SGMS1: variants seen among roughly 807,000 people sequenced by gnomAD.
SGMS1 encodes the protein phosphatidylcholine:ceramide cholinephosphotransferase 1.
In SGMS1, 13 loss-of-function variants were observed where a neutral mutation model predicts 46.2. The observed-to-expected ratio is 0.28, with a 90% CI of 0.18 to 0.45. The LOEUF (loss-of-function observed/expected upper bound fraction) is 0.45, where lower values mean the gene tolerates loss of function less well. SGMS1 is among the 20% of genes least tolerant of loss of function. The probability of loss-of-function intolerance (pLI) is 1.00; values close to 1 mark genes in which losing one functional copy is unlikely to be tolerated. For synonymous variants in SGMS1, 203 were observed against 187.8 expected (o/e 1.08, Z -0.66); for missense variants, 324 against 519.9 (o/e 0.62, Z 3.66).
Position 50,323,933 on chromosome 10 carries a change from GT to G in SGMS1, c.741+3271del, listed in dbSNP as rs1287688135. ...AATTTAAACTAACAGATTTTAAGGT[GT>G]TTTCCACAAAGGTAGGAACTATATC... On this transcript the variant is annotated intron_variant, in intron 8 of 10. Transcript: ENST00000361781. Among the ~76,000 whole-genome samples, 10 of 152,250 alleles carry G rather than the reference GT, an allele frequency of 6.6e-5. No individual in the cohort carries two copies. In the East Asian group the frequency reaches 1.9e-3, roughly 29 times the overall value.
At chr10:50,333,855 A>G (rs1847668139) in intron 7 of SGMS1, among the ~76,000 whole-genome samples, 1 of 152,238 alleles carries the variant, frequency 6.6e-6, no homozygotes, top group African/African-American at 2.4e-5. Context: ...GTGTCTGTAC[A>G]TATACTATGT....
chr10:50,515,699 T>A (rs1837795921), intron 3 of SGMS1, among the ~76,000 whole-genome samples: 1 of 152,110 alleles, frequency 6.6e-6, no homozygotes, highest in Admixed American at 6.5e-5. Flanking sequence ...GCTCCCCAGG[T>A]GAAGCTTCTG....
intron 6 of SGMS1, among the ~76,000 whole-genome samples, chr10:50,344,638 G>C (rs1007456097): frequency 6.6e-6 from 1 of 152,082 alleles, no homozygotes; most frequent in African/African-American, 2.4e-5. Context: ...GGGAGAACGA[G>C]GCGGGCGGAT....
At position 50,525,179 on chromosome 10, in the gene SGMS1, T is replaced by C. The variant is rs982799848; in HGVS notation, c.-588-5258A>G. Among the ~76,000 whole-genome samples the C allele has an allele frequency of 7.9e-5, 12 of 152,312 alleles. No homozygotes were observed. In the East Asian group the frequency reaches 2.3e-3, roughly 29 times the overall value. On this transcript the variant is annotated intron_variant, in intron 2 of 10. Transcript: ENST00000361781. ...TAAATCAATTCCATCCTCAAGAAGT[T>C]CTTATACTGGGTAACAAATAGCATC...
intron 8 of SGMS1, among the ~76,000 whole-genome samples, chr10:50,323,334 T>C (rs909645538): frequency 2.0e-5 from 3 of 152,200 alleles, no homozygotes; most frequent in African/African-American, 7.2e-5. Context: ...CAAGTTTAAG[T>C]TCACATGACT....
intron 6 of SGMS1, among the ~76,000 whole-genome samples, chr10:50,353,595 C>T (rs375499186): frequency 0.082 from 12,026 of 147,444 alleles, 16 homozygotes; most frequent in Middle Eastern, 0.17. Flanking sequence ...CCAGGGCAAT[C>T]AGGCAGGAGA....
In SGMS1 at chr10:50,436,928, C is replaced by T. The variant is rs116368308; in HGVS notation, c.-312-3372G>A. Among the ~76,000 whole-genome samples, 519 of 152,282 alleles carry T rather than the reference C, an allele frequency of 3.4e-3. 2 individuals are homozygous for T. The highest frequency in any genetic ancestry group is 0.012 in the African/African-American group (483 of 41,554). On this transcript the variant is annotated intron_variant, in intron 5 of 10. Coordinates refer to ENST00000361781, the MANE Select transcript of SGMS1 (RefSeq NM_147156.4). Reference sequence around the variant, plus strand: ...GAAAGGTATGTGCGTTGCTGTCACACAGAACTATGTTCTGCAACTAAGCTC... The same window carrying T: ...GAAAGGTATGTGCGTTGCTGTCACATAGAACTATGTTCTGCAACTAAGCTC...
At chr10:50,344,445 T>G (rs1490795432) in intron 6 of SGMS1, 100 bp from the exon 7 acceptor site, 1 of 228,396 alleles carries the variant, frequency 4.4e-6, no homozygotes, top group Non-Finnish European at 8.6e-6. Flanking sequence ...AACCAGTTAT[T>G]GGTAAACTTA....
At chr10:50,611,941 G>A (rs1838754075) in intron 1 of SGMS1, among the ~76,000 whole-genome samples, 1 of 152,106 alleles carries the variant, frequency 6.6e-6, no homozygotes, top group Non-Finnish European at 1.5e-5. Context: ...AAGAAGCTGT[G>A]GGCAAAGCCT....
chr10:50,549,996 C>T lies in SGMS1; in HGVS notation c.-588-30075G>A, dbSNP rs2144861. ...AAAAAAGATAAAGCAGAAAGTTCAACGGGAAATAATTTTGAAATTGACTGG... is the reference window on the plus strand; with the variant it reads ...AAAAAAGATAAAGCAGAAAGTTCAATGGGAAATAATTTTGAAATTGACTGG... On this transcript the variant is annotated intron_variant, in intron 2 of 10. Transcript: ENST00000361781. 3.0e-3 allele frequency among the ~76,000 whole-genome samples: 462 copies of T among 152,116 alleles called. 2 individuals carry two copies. The highest frequency in any genetic ancestry group is 0.01 in the African/African-American group (434 of 41,508).
upstream of SGMS1, chr10:50,623,959 C>G (rs981857989): frequency 2.5e-5 from 25 of 985,484 alleles, no homozygotes; most frequent in South Asian, 4.7e-5. Flanking sequence ...CCCGGGCTGC[C>G]GAGCATGCCC....
chr10:50,500,900 T>C (rs16937722), intron 3 of SGMS1, among the ~76,000 whole-genome samples: 11,873 of 152,236 alleles, frequency 0.078, 1,152 homozygotes, highest in East Asian at 0.37. Flanking sequence ...AAATTACTCT[T>C]TAATTTCAGT....
intron 5 of SGMS1, among the ~76,000 whole-genome samples, chr10:50,434,720 CAAA>C (rs35940464): frequency 7.3e-6 from 1 of 137,108 alleles, no homozygotes; most frequent in African/African-American, 2.7e-5. Context: ...ACTAAAAATA[CAAA>C]AAAAAAAAAA....
chr10:50,342,814 A>G (rs553063131), intron 7 of SGMS1: 2 of 152,248 alleles, frequency 1.3e-5, no homozygotes, highest in Non-Finnish European at 2.9e-5. Context: ...TTAGAGCTTC[A>G]GATATGAAAG....
chr10:50,545,842 G>T (rs1705240389), intron 2 of SGMS1, among the ~76,000 whole-genome samples: 1 of 152,136 alleles, frequency 6.6e-6, no homozygotes, highest in African/African-American at 2.4e-5. Flanking sequence ...TATTTATGGA[G>T]CTTAAAGCAG....
At chr10:50,438,382 C>T (rs1849501278) in intron 5 of SGMS1, among the ~76,000 whole-genome samples, 1 of 152,196 alleles carries the variant, frequency 6.6e-6, no homozygotes, top group Admixed American at 6.5e-5. Flanking sequence ...ACTGAGAGAG[C>T]CCCATGAGGA....
intron 3 of SGMS1, among the ~76,000 whole-genome samples, chr10:50,492,317 T>G (rs1385760281): frequency 1.3e-5 from 2 of 152,196 alleles, no homozygotes; most frequent in Non-Finnish European, 2.9e-5. Flanking sequence ...GTTCTGGCCA[T>G]GGCAATCAGG....
intron 1 of SGMS1, 143 bp downstream of exon 1, chr10:50,623,564 C>A (rs1838878526): frequency 3.0e-6 from 3 of 983,914 alleles, no homozygotes; most frequent in East Asian, 1.1e-4. Flanking sequence ...ACGCGCGCGG[C>A]ACCGCGCGGG....
At chr10:50,552,446 A>C (rs867231866) in intron 2 of SGMS1, among the ~76,000 whole-genome samples, 8 of 152,236 alleles carry the variant, frequency 5.3e-5, no homozygotes, top group South Asian at 2.1e-4. Context: ...GACAAGGTTA[A>C]GCAGCTTTCA....
Sources: gnomAD v4.1 joint callset for allele counts (sites outside exome capture counted in the v4.1 genomes callset) on GRCh38, gnomAD v4.1.1 for gene constraint, MANE v1.5 for transcripts, NCBI Gene and HGNC (gene_info 2026-07-23, HGNC 2026-07-21) for gene names.